The following PI4K2A variants were observed in gnomAD, a reference collection of about 807,000 sequenced individuals.
The protein encoded by PI4K2A is phosphatidylinositol 4-kinase type 2 alpha.
In PI4K2A, 20 loss-of-function variants were observed where a neutral mutation model predicts 55.0. The observed-to-expected ratio is 0.36, with a 90% confidence interval of 0.26 to 0.53. The LOEUF (loss-of-function observed/expected upper bound fraction) is 0.53, where lower values mean the gene tolerates loss of function less well. Ranked by LOEUF, PI4K2A falls within the 20% of genes least tolerant of loss-of-function variation. PI4K2A has a pLI of 0.91. For missense variants in PI4K2A, 463 were observed against 637.1 expected (o/e 0.73, Z 2.94); for synonymous variants, 235 against 258.5 (o/e 0.91, Z 0.87).
intron 1 of PI4K2A, among the ~76,000 whole-genome samples, chr10:97,642,884 T>C (rs183469142): frequency 0.16 from 15,237 of 95,550 alleles, 2,328 homozygotes; most frequent in Middle Eastern, 0.18. Context: ...TTTCTTTCTT[T>C]CTTCCTTCCT....
chr10:97,671,560 T>G (rs1185650119), intron 8 of PI4K2A, among the ~76,000 whole-genome samples: 1 of 152,100 alleles, frequency 6.6e-6, no homozygotes, highest in African/African-American at 2.4e-5. Context: ...GTAAAACATT[T>G]ATTTAAAAAA....
intron 8 of PI4K2A, among the ~76,000 whole-genome samples, chr10:97,671,501 A>G (rs918416060): frequency 6.6e-5 from 10 of 151,984 alleles, no homozygotes; most frequent in African/African-American, 2.4e-4. Context: ...CTATATAGGA[A>G]CTCTTTGTAC....
In PI4K2A at chr10:97,665,616, G is replaced by A. The variant is rs540590274; in HGVS notation, c.1084+632G>A. ...TATTTATTTATTTTTTTTTTGAGACGGAGTCTTGCCCTGTCGCCCAGGCTG... is the reference window on the plus strand; with the variant it reads ...TATTTATTTATTTTTTTTTTGAGACAGAGTCTTGCCCTGTCGCCCAGGCTG... On this transcript the variant is annotated intron_variant, in intron 6 of 8. Coordinates refer to ENST00000370631, the Ensembl canonical transcript of PI4K2A. Among the ~76,000 whole-genome samples, 4 of 146,020 alleles carry A rather than the reference G, an allele frequency of 2.7e-5. No homozygotes were observed. In the South Asian group the frequency reaches 6.5e-4, roughly 24 times the overall value.
rs1221334727 is a variant in PI4K2A at position 97,667,049 on chromosome 10, CT to C, written c.1219-10del. On this transcript the variant is annotated splice_polypyrimidine_tract_variant and intron_variant, in intron 7 of 8. Coordinates refer to ENST00000370631, the Ensembl canonical transcript of PI4K2A. ...CACACAGGTTCCATCTCCTTCTGGT[CT>C]TCTTTTGCAGAAAGATCCTGGTTTC... The C allele has an allele frequency of 6.2e-7, 1 of 1,611,208 alleles. No individual in the cohort carries two copies.
At chr10:97,671,458 G>GA (rs201973067) in intron 8 of PI4K2A, among the ~76,000 whole-genome samples, 16 of 140,146 alleles carry the variant, frequency 1.1e-4, no homozygotes, top group South Asian at 2.2e-4. Context: ...TCTCAGAAAA[G>GA]AAAAAAAAAA....
intron 6 of PI4K2A, among the ~76,000 whole-genome samples, chr10:97,665,782 A>G (rs998251116): frequency 1.3e-5 from 2 of 151,184 alleles, no homozygotes; most frequent in African/African-American, 4.9e-5. Context: ...TAGTAGAGAC[A>G]GGGTTTCAGT....
Position 97,656,351 on chromosome 10 carries a change from C to T in PI4K2A, c.703C>T (p.Arg235Trp), listed in dbSNP as rs1403678380. 3 of 1,613,572 alleles carry T rather than the reference C, an allele frequency of 1.9e-6. No homozygotes were observed. The highest frequency in any genetic ancestry group is 2.2e-5 in the East Asian group (1 of 44,876). The stretch of plus-strand genomic sequence containing the variant: ...TGACCGAGTGAAGTCCAGGGGCAAG[C>T]GGCTTGCACTAGAGAAAGTGCCAAA... The change falls in exon 3 of 9, where the codon CGG becomes TGG. Residue 235 changes from arginine to tryptophan, a missense_variant. Physicochemically the swap from Arg to Trp is moderately radical, Grantham distance 101. Coordinates refer to ENST00000370631, the Ensembl canonical transcript of PI4K2A. This position sits in a 1 kb window ranked among gnomAD's most constrained non-coding sequence, Gnocchi z 4.5.
chr10:97,656,546 T>C lies in PI4K2A; in HGVS notation c.768+130T>C, dbSNP rs1889475. 375,527 of 879,522 alleles carry C rather than the reference T, an allele frequency of 0.43. 83,567 individuals carry two copies. Among genetic ancestry groups the C allele is most frequent in the African/African-American group, 0.66 (39,478 of 59,852 alleles). The allele number at this position is 879,522 out of a possible 1,614,324, so 54.5% of individuals were successfully genotyped here. A position where few individuals can be genotyped will look rare whatever the true frequency, so the allele number is the denominator to read the frequency against. On this transcript the variant is annotated intron_variant, in intron 3 of 8. Coordinates refer to ENST00000370631, the Ensembl canonical transcript of PI4K2A. The surrounding 1 kb of genome is among the most constrained non-coding windows in gnomAD (Gnocchi z 4.5). ...CCTGCCCTGAGGATCCTGTCTTCCT[T>C]ATTTCTGTCAAGTGGCTAAGGTTTG...
rs979026934 is a variant in PI4K2A, at chr10:97,641,305, G to A, written c.435+128G>A. On this transcript the variant is annotated intron_variant, in intron 1 of 8. Transcript: ENST00000370631. The stretch of plus-strand genomic sequence containing the variant: ...AGTACCAGCCCCTGGCAGGATTTAG[G>A]GATGCCACTGAGGACTGGAGCTGGG... 3.2e-5 allele frequency: 22 copies of A among 679,586 alleles called. No individual in the cohort carries two copies. The African/African-American group carries it at 3.3e-4, about 10-fold the overall frequency. The allele number at this position is 679,586 out of a possible 1,614,324, so 42.1% of individuals were successfully genotyped here. A position where few individuals can be genotyped will look rare whatever the true frequency, so the allele number is the denominator to read the frequency against.
chr10:97,662,932 T>G (rs751284001), exon 5 of PI4K2A: 1 of 1,608,100 alleles, frequency 6.2e-7, no homozygotes, highest in South Asian at 1.1e-5. Context: ...ACTGGCTGAT[T>G]AAATATGACT....
At chr10:97,647,717 C>CT (rs1486633925) in intron 1 of PI4K2A, among the ~76,000 whole-genome samples, 1 of 151,348 alleles carries the variant, frequency 6.6e-6, no homozygotes, top group Non-Finnish European at 1.5e-5. Context: ...TCTTCATACT[C>CT]TAACATTCCC....
chr10:97,646,068 T>G (rs1218401267), intron 1 of PI4K2A, among the ~76,000 whole-genome samples: 1 of 152,128 alleles, frequency 6.6e-6, no homozygotes, highest in Non-Finnish European at 1.5e-5. Context: ...ATTCTAAGAC[T>G]TTATTTGCCT....
At chr10:97,646,866 C>T (rs971047479) in intron 1 of PI4K2A, among the ~76,000 whole-genome samples, 1 of 152,066 alleles carries the variant, frequency 6.6e-6, no homozygotes, top group African/African-American at 2.4e-5. Flanking sequence ...CTTCCACCTC[C>T]TGGGTTCAAG....
intron 2 of PI4K2A, among the ~76,000 whole-genome samples, chr10:97,652,194 T>C (rs1194694208): frequency 6.6e-6 from 1 of 152,174 alleles, no homozygotes; most frequent in East Asian, 1.9e-4. Context: ...AATTATTGTT[T>C]TGTGTATAAT....
In PI4K2A at chr10:97,662,827, G is replaced by A. The variant is rs2041592173; in HGVS notation, c.923-80G>A. The A allele has an allele frequency of 3.5e-6, 3 of 848,606 alleles. No individual in the cohort carries two copies. The South Asian group carries it at 4.0e-5, about 11-fold the overall frequency. The allele number at this position is 848,606 out of a possible 1,614,324, so 52.6% of individuals were successfully genotyped here. On this transcript the variant is annotated intron_variant, in intron 4 of 8. Coordinates refer to ENST00000370631, the Ensembl canonical transcript of PI4K2A. ...TCTCAGTAGAAGCGTTAGTCCGAGT[G>A]TCCAGAATACCTAGTCCACCATTAC... is the stretch of plus-strand genomic sequence containing the variant.
At chr10:97,648,575 A>T (rs1189036129) in intron 1 of PI4K2A, among the ~76,000 whole-genome samples, 1 of 152,126 alleles carries the variant, frequency 6.6e-6, no homozygotes, top group Non-Finnish European at 1.5e-5. Context: ...TTCAGCCCCC[A>T]GTAGTAGTAG....
chr10:97,641,069 G>A (rs2041465663), exon 1 of PI4K2A: 1 of 1,607,672 alleles, frequency 6.2e-7, no homozygotes, highest in Non-Finnish European at 8.5e-7. Context: ...AGGATCCTGA[G>A]TTCGAGGCGG....
rs1457266767 is a variant in PI4K2A at position 97,646,247 on chromosome 10, C to T, written c.436-4694C>T. On this transcript the variant is annotated intron_variant, in intron 1 of 8. Coordinates refer to ENST00000370631, the Ensembl canonical transcript of PI4K2A. ...TTTTTTTTTTTTTTTGAGATGGAGC[C>T]TCACTCTGTCGCTCAGGCTAGATCA... 2.7e-5 allele frequency among the ~76,000 whole-genome samples: 4 copies of T among 150,434 alleles called. No homozygotes were observed. The East Asian group carries it at 5.8e-4, about 22-fold the overall frequency.
chr10:97,655,139 G>T (rs1341471052), intron 2 of PI4K2A, among the ~76,000 whole-genome samples: 1 of 152,130 alleles, frequency 6.6e-6, no homozygotes, highest in Non-Finnish European at 1.5e-5. Context: ...GGAGGCCGAG[G>T]TAGGAGGATC....
Sources: allele counts gnomAD v4.1 joint callset (sites outside exome capture counted in the v4.1 genomes callset), GRCh38; gene constraint gnomAD v4.1.1; non-coding constraint Gnocchi (gnomAD v3.1); transcripts MANE v1.5; gene names NCBI Gene and HGNC (gene_info 2026-07-23, HGNC 2026-07-21).